SDR16C5: variants seen among roughly 807,000 people sequenced by gnomAD.
SDR16C5 encodes epidermal retinol dehydrogenase 2.
A neutral mutation model predicts 27.7 loss-of-function variants in SDR16C5; 20 were observed. The ratio of observed to expected loss-of-function variants is 0.72; its 90% confidence interval spans 0.51 to 1.05. The LOEUF (loss-of-function observed/expected upper bound fraction) is 1.05. Ranked by LOEUF, SDR16C5 falls within the 50% of genes least tolerant of loss-of-function variation. SDR16C5 has a pLI of 0.00. For missense variants in SDR16C5, 374 were observed against 366.3 expected (o/e 1.02, Z -0.17); for synonymous variants, 139 against 132.3 (o/e 1.05, Z -0.35).
Position 56,316,179 on chromosome 8 carries a change from C to CT in SDR16C5, c.168dup (p.Ala57SerfsTer18), listed in dbSNP as rs1285608901. ...GATCCCAGCCGGGCAAACTGCAAGG[C>CT]TAAGAGCCTTCCGAGTCCACTTCCA... On this transcript the variant is annotated frameshift_variant, in exon 2 of 7. Transcript: ENST00000303749. LOFTEE classifies it high-confidence loss of function. 6.2e-7 allele frequency: 1 copy of CT among 1,614,212 alleles called. No individual in the cohort carries two copies. Among genetic ancestry groups the CT allele is most frequent in the East Asian group, 2.2e-5 (1 of 44,882 alleles).
chr8:56,305,749 A>G, intron 5 of SDR16C5, 27 bp from the exon 6 acceptor site: 1 of 1,565,372 alleles, frequency 6.4e-7, no homozygotes, highest in Non-Finnish European at 8.6e-7. Context: ...CAACAATTAA[A>G]AAAAACCCTG....
At chr8:56,315,853 T>C (rs778322844) in intron 2 of SDR16C5, among the ~76,000 whole-genome samples, 162 bp downstream of exon 2, 7 of 152,214 alleles carry the variant, frequency 4.6e-5, no homozygotes, top group Non-Finnish European at 8.8e-5. Context: ...GTTAGTACAG[T>C]GTCTTTGCAT....
At chr8:56,310,918 A>G (rs553698856) in intron 3 of SDR16C5, among the ~76,000 whole-genome samples, 1 of 152,274 alleles carries the variant, frequency 6.6e-6, no homozygotes, top group East Asian at 1.9e-4. Context: ...TTTCTCCTGA[A>G]AACTTTACAA....
intron 3 of SDR16C5, chr8:56,309,279 A>G: frequency 1.0e-6 from 1 of 977,346 alleles, no homozygotes; most frequent in Non-Finnish European, 1.2e-6. Flanking sequence ...CTCATATTTG[A>G]CTTTTAACGA....
At position 56,316,161 on chromosome 8, in the gene SDR16C5, G is replaced by A; in HGVS notation, c.187C>T (p.Leu63=). ...TCCCAGAGAACAAGAACAGATCCCA[G>A]CCGGGCAAACTGCAAGGCTAAGAGC... ...GRLLALQFAR[L]GSVLVLWDIN... is the part of the protein sequence containing the mutation. The change falls in exon 2 of 7, where the codon CTG becomes TTG. Residue 63 remains leucine (L), a synonymous_variant. Transcript: ENST00000303749. The A allele has an allele frequency of 6.2e-7, 1 of 1,614,048 alleles. No individual in the cohort carries two copies. The highest frequency in any genetic ancestry group is 8.5e-7 in the Non-Finnish European group (1 of 1,179,988).
chr8:56,309,873 T>G (rs1363857423), intron 3 of SDR16C5, among the ~76,000 whole-genome samples: 1 of 152,068 alleles, frequency 6.6e-6, no homozygotes, highest in Non-Finnish European at 1.5e-5. Flanking sequence ...GAGCCCAGCC[T>G]TCAGGTAGCT....
intron 2 of SDR16C5, among the ~76,000 whole-genome samples, chr8:56,313,463 T>C (rs1815099738): frequency 6.6e-6 from 1 of 152,208 alleles, no homozygotes; most frequent in Non-Finnish European, 1.5e-5. Flanking sequence ...CTACTACACA[T>C]CTTAGGCCAT....
chr8:56,316,516 G>C (rs567574150), intron 1 of SDR16C5, among the ~76,000 whole-genome samples, 155 bp from the exon 2 acceptor site: 112 of 152,314 alleles, frequency 7.4e-4, no homozygotes, highest in Non-Finnish European at 5.6e-4. Flanking sequence ...CAGAAAGTGG[G>C]AGGAGGAAGC....
At chr8:56,316,550 T>C (rs867144903) in intron 1 of SDR16C5, among the ~76,000 whole-genome samples, 189 bp from the exon 2 acceptor site, 1 of 152,242 alleles carries the variant, frequency 6.6e-6, no homozygotes. Context: ...CTTATTCGGC[T>C]TTCTTACTTG....
intron 3 of SDR16C5, chr8:56,309,674 G>A (rs1585912874): frequency 6.4e-6 from 5 of 776,310 alleles, no homozygotes; most frequent in Non-Finnish European, 7.8e-6. Context: ...CAAAGACAAG[G>A]AGGTGAGAAA....
At chr8:56,316,806 T>C (rs758173152) in intron 1 of SDR16C5, among the ~76,000 whole-genome samples, 3 of 152,234 alleles carry the variant, frequency 2.0e-5, no homozygotes, top group Non-Finnish European at 2.9e-5. Context: ...TTTCTCTCCT[T>C]TGATGTTTGT....
At chr8:56,311,136 C>T (rs2129260023) in intron 3 of SDR16C5, among the ~76,000 whole-genome samples, 1 of 152,250 alleles carries the variant, frequency 6.6e-6, no homozygotes, top group South Asian at 2.1e-4. Flanking sequence ...AGGGCTGGAA[C>T]CAAACAGGTC....
chr8:56,314,836 G>A (rs979740495), intron 2 of SDR16C5, among the ~76,000 whole-genome samples: 1 of 152,194 alleles, frequency 6.6e-6, no homozygotes, highest in Non-Finnish European at 1.5e-5. Context: ...ATGTAGTCAG[G>A]CTGCTCACGG....
chr8:56,316,009 AG>A lies in SDR16C5; in HGVS notation c.333+5del. The A allele has an allele frequency of 6.3e-7, 1 of 1,597,360 alleles. No homozygotes were observed. The highest frequency in any genetic ancestry group is 8.6e-7 in the Non-Finnish European group (1 of 1,165,734). ...CAAATTATAATAGTAAACACACAAG[AG>A]TTACCTGGTCGGCTACTCTATACAC... On this transcript the variant is annotated splice_donor_5th_base_variant and intron_variant, in intron 2 of 6. Transcript: ENST00000303749.
At chr8:56,303,468 GC>G (rs1814810152) in intron 6 of SDR16C5, among the ~76,000 whole-genome samples, 1 of 151,118 alleles carries the variant, frequency 6.6e-6, no homozygotes, top group African/African-American at 2.4e-5. Context: ...TTTCTTTTCT[GC>G]CCCCTCACCC....
chr8:56,303,842 T>G (rs1293279018), intron 6 of SDR16C5: 3 of 636,902 alleles, frequency 4.7e-6, no homozygotes, highest in Non-Finnish European at 8.5e-6. Context: ...ACTTAGTGTG[T>G]TGTGAATGCA....
chr8:56,303,561 G>A (rs1367229472), intron 6 of SDR16C5, among the ~76,000 whole-genome samples: 50 of 152,242 alleles, frequency 3.3e-4, no homozygotes, highest in Non-Finnish European at 1.0e-4. Context: ...TCCTTGGATG[G>A]TGGGTGATTC....
rs896192516 is a variant in SDR16C5 at position 56,304,014 on chromosome 8, G to A, written c.836+1583C>T. ...CGTAAGCCTGAATTTCGAATTGCTT[G>A]TCCAGGATCCTTTGCTCTGTCCCAC... On this transcript the variant is annotated intron_variant, in intron 6 of 6. Transcript: ENST00000303749. The A allele has an allele frequency of 2.8e-5, 20 of 702,898 alleles. No homozygotes were observed. The East Asian group carries it at 5.1e-4, about 18-fold the overall frequency. 43.5% of individuals were successfully genotyped at this position (702,898 alleles called of 1,614,324 possible).
intron 4 of SDR16C5, 25 bp downstream of exon 4, chr8:56,308,903 T>C (rs570530518): frequency 1.0e-5 from 16 of 1,546,812 alleles, no homozygotes; most frequent in African/African-American, 1.4e-5. Flanking sequence ...AATTTTGCAA[T>C]TGTAAATTGC....
Sources: gnomAD v4.1 joint callset for allele counts (sites outside exome capture counted in the v4.1 genomes callset) on GRCh38, gnomAD v4.1.1 for gene constraint, MANE v1.5 for transcripts, NCBI Gene and HGNC (gene_info 2026-07-23, HGNC 2026-07-21) for gene names.